Variants in CEP126 observed in about 807,000 individuals in gnomAD.
The protein encoded by CEP126 is centrosomal protein of 126 kDa.
CEP126 carries 74 observed loss-of-function variants against 107.8 expected under a neutral mutation model. That is an observed-to-expected ratio of 0.69 (90% CI 0.57 to 0.83). CEP126 has a LOEUF of 0.83. Among genes scored for constraint, CEP126 ranks in the 40% least tolerant of loss-of-function variants. CEP126 has a pLI of 0.00. For missense variants in CEP126, 1,237 were observed against 1,281.9 expected, an observed-to-expected ratio of 0.96 and a Z score of 0.53; for synonymous variants, 449 against 446.0, an observed-to-expected ratio of 1.01 and a Z score of -0.08.
At chr11:101,951,620 GA>G (rs1244225506) in intron 4 of CEP126, among the ~76,000 whole-genome samples, 1 of 151,246 alleles carries the variant, frequency 6.6e-6, no homozygotes, top group Non-Finnish European at 1.5e-5. Context: ...GAAGCAGAAA[GA>G]AAAGATATTT....
chr11:101,972,759 C>A (rs923480971), intron 6 of CEP126, among the ~76,000 whole-genome samples: 1 of 152,090 alleles, frequency 6.6e-6, no homozygotes, highest in African/African-American at 2.4e-5. Flanking sequence ...CGAGATTGCG[C>A]CATTGCACTC....
chr11:101,965,459 C>T (rs553512091), intron 6 of CEP126, among the ~76,000 whole-genome samples: 66 of 152,204 alleles, frequency 4.3e-4, no homozygotes, highest in Middle Eastern at 3.4e-3. Flanking sequence ...GGATAGAAGC[C>T]ACATTAGCAG....
intron 4 of CEP126, 81 bp from the exon 5 acceptor site, chr11:101,958,087 C>A: frequency 8.8e-7 from 1 of 1,141,074 alleles, no homozygotes; most frequent in Non-Finnish European, 1.3e-6. Flanking sequence ...ACGTATTACA[C>A]CTAATGTGTC....
chr11:101,951,404 C>T (rs1034933226), intron 4 of CEP126, among the ~76,000 whole-genome samples: 2 of 151,760 alleles, frequency 1.3e-5, no homozygotes, highest in Admixed American at 6.6e-5. Flanking sequence ...TCTAGCTACT[C>T]GAGGAGATGA....
intron 2 of CEP126, among the ~76,000 whole-genome samples, chr11:101,931,173 A>G (rs903337448): frequency 6.6e-6 from 1 of 152,172 alleles, no homozygotes. Context: ...GTTTCTTTAC[A>G]CTGACACCTC....
At chr11:101,949,137 G>A (rs1260474744) in intron 4 of CEP126, among the ~76,000 whole-genome samples, 1 of 152,108 alleles carries the variant, frequency 6.6e-6, no homozygotes, top group Non-Finnish European at 1.5e-5. Flanking sequence ...AAAGCCAAGG[G>A]CAATCAAAAG....
At position 101,962,975 on chromosome 11, in the gene CEP126, A is replaced by T; in HGVS notation, c.1940A>T (p.His647Leu). 1 of 1,612,772 alleles carries T rather than the reference A, an allele frequency of 6.2e-7. No homozygotes were observed. Among genetic ancestry groups the T allele is most frequent in the African/African-American group, 1.3e-5 (1 of 74,966 alleles). The change falls in exon 6 of 11, where the codon CAT becomes CTT. Residue 647 changes from histidine to leucine, a missense_variant. His to Leu is a moderately conservative substitution (Grantham distance 99). This residue lies in a region of CEP126 where 1,134 missense variants were observed against 1,150.5 expected (regional missense o/e 0.99). Coordinates refer to ENST00000263468, the MANE Select transcript of CEP126 (RefSeq NM_020802.4). ...SNIENNAENS[H>L]SLKNKTGTTQ... ...ATAGAAAACAATGCTGAAAACAGTC[A>T]TTCACTGAAGAATAAAACAGGAACA... is the stretch of plus-strand genomic sequence containing the variant.
intron 4 of CEP126, among the ~76,000 whole-genome samples, chr11:101,952,032 T>A (rs1940820679): frequency 6.6e-6 from 1 of 152,192 alleles, no homozygotes; most frequent in Non-Finnish European, 1.5e-5. Flanking sequence ...TGGAAAAATA[T>A]CACTGACATG....
chr11:101,942,652 GA>G (rs147745939), intron 2 of CEP126, among the ~76,000 whole-genome samples: 45 of 146,922 alleles, frequency 3.1e-4, no homozygotes, highest in African/African-American at 1.0e-3. Flanking sequence ...TTTCTGCAAA[GA>G]AAAAAAAAGT....
intron 9 of CEP126, among the ~76,000 whole-genome samples, chr11:101,987,549 C>T (rs1591295470): frequency 1.3e-5 from 2 of 151,918 alleles, no homozygotes; most frequent in Admixed American, 1.3e-4. Flanking sequence ...AACAGGCCTA[C>T]TCAGGATGAG....
rs373938848 is a variant in CEP126, at chr11:101,962,277, A to G, written c.1242A>G (p.Thr414=). ...GACCATTAGTTACTGAGAGCCCAAC[A>G]TTTAAATTTAGCAAATCCCAAAGCA... ...RERPLVTESP[T]FKFSKSQSTS... Residue 414 remains threonine, a synonymous_variant, in exon 6 of 11, where the codon ACA becomes ACG. Coordinates refer to ENST00000263468, the MANE Select transcript of CEP126 (RefSeq NM_020802.4). The G allele has an allele frequency of 6.1e-5, 98 of 1,613,844 alleles. No homozygotes were observed. Among genetic ancestry groups the G allele is most frequent in the Middle Eastern group, 1.7e-4 (1 of 6,058 alleles).
rs1940347747 is a variant in CEP126, at chr11:101,922,686, G to C, written c.174G>C (p.Gln58His). 1 of 1,610,328 alleles carries C rather than the reference G, an allele frequency of 6.2e-7. No homozygotes were observed. The highest frequency in any genetic ancestry group is 8.5e-7 in the Non-Finnish European group (1 of 1,176,776). Residue 58 changes from glutamine to histidine, a missense_variant, in exon 2 of 11, where the codon CAG becomes CAC. Gln to His is a conservative substitution (Grantham distance 24). This residue lies in a region of CEP126 where 1,134 missense variants were observed against 1,150.5 expected (regional missense o/e 0.99). Transcript: ENST00000263468. ...HLEKNLEEER[Q>H]ILLQQQKICR... ...AGAAAAATTTAGAAGAAGAGCGCCA[G>C]ATATTACTGCAGCAACAAAAAATAT...
chr11:101,984,921 C>T (rs989354418), intron 8 of CEP126, among the ~76,000 whole-genome samples: 16 of 152,170 alleles, frequency 1.1e-4, no homozygotes, highest in African/African-American at 3.4e-4. Context: ...TGCCATTGTT[C>T]CTTGTTGCTG....
In CEP126 at chr11:101,989,035, G is replaced by A. The variant is rs561464656; in HGVS notation, c.3244+1994G>A. 2.4e-4 allele frequency among the ~76,000 whole-genome samples: 36 copies of A among 152,062 alleles called. No individual in the cohort carries two copies. In the South Asian group the frequency reaches 6.4e-3, roughly 27 times the overall value. ...AGGGGCACGTTCTTTGTAAGTAAACGTACAACCTTTATAAAATGAACCATG... is the reference window on the plus strand; with the variant it reads ...AGGGGCACGTTCTTTGTAAGTAAACATACAACCTTTATAAAATGAACCATG... On this transcript the variant is annotated intron_variant, in intron 9 of 10. Transcript: ENST00000263468.
At chr11:101,928,677 C>A (rs911648515) in intron 2 of CEP126, among the ~76,000 whole-genome samples, 1 of 152,086 alleles carries the variant, frequency 6.6e-6, no homozygotes, top group Non-Finnish European at 1.5e-5. Flanking sequence ...TGTTTTTGCA[C>A]CCTGTCAAAA....
At position 101,915,430 on chromosome 11, in the gene CEP126, T is replaced by G; in HGVS notation, c.128+18T>G. 1 of 1,597,320 alleles carries G rather than the reference T, an allele frequency of 6.3e-7. No homozygotes were observed. The highest frequency in any genetic ancestry group is 1.3e-5 in the African/African-American group (1 of 74,702). ...TCTTACCTGTATCCTTCCCAGCCTG[T>G]GGCTGCCAGGGTAGCGATGTTGAAA... On this transcript the variant is annotated intron_variant, in intron 1 of 10. Transcript: ENST00000263468.
At chr11:101,971,413 C>T (rs1248845990) in intron 6 of CEP126, among the ~76,000 whole-genome samples, 2 of 152,154 alleles carry the variant, frequency 1.3e-5, no homozygotes, top group East Asian at 3.8e-4. Context: ...AGGCTGGAAG[C>T]AAGCTTCAGA....
rs542457780 is a variant in CEP126, at chr11:101,983,924, G to C, written c.3034+1960G>C. Among the ~76,000 whole-genome samples, 26 of 152,306 alleles carry C rather than the reference G, an allele frequency of 1.7e-4. No individual in the cohort carries two copies. In the South Asian group the frequency reaches 4.1e-3, roughly 24 times the overall value. On this transcript the variant is annotated intron_variant, in intron 8 of 10. Coordinates refer to ENST00000263468, the MANE Select transcript of CEP126 (RefSeq NM_020802.4). ...GCTAACAAAAGGACATGGATCACCAGGGACATCTTTTCTGATTGGTTTCAC... is the reference window on the plus strand; with the variant it reads ...GCTAACAAAAGGACATGGATCACCACGGACATCTTTTCTGATTGGTTTCAC...
intron 4 of CEP126, among the ~76,000 whole-genome samples, chr11:101,953,569 A>T (rs1013597590): frequency 6.6e-6 from 1 of 152,212 alleles, no homozygotes; most frequent in African/African-American, 2.4e-5. Flanking sequence ...AGAGCCTGAG[A>T]AGGAACAACC....
Sources: allele counts gnomAD v4.1 joint callset (sites outside exome capture counted in the v4.1 genomes callset), GRCh38; gene constraint gnomAD v4.1.1; regional missense constraint gnomAD v4.1.1; transcripts MANE v1.5; gene names NCBI Gene and HGNC (gene_info 2026-07-23, HGNC 2026-07-21).